The following TMEM132D variants were observed in gnomAD, a reference collection of about 807,000 sequenced individuals.
TMEM132D encodes mature OL transmembrane protein.
A neutral mutation model predicts 62.3 loss-of-function variants in TMEM132D; 21 were observed. The observed-to-expected ratio is 0.34, with a 90% confidence interval of 0.24 to 0.49. TMEM132D has a LOEUF of 0.49. Ranked by LOEUF, TMEM132D falls within the 20% of genes least tolerant of loss-of-function variation. The probability of loss-of-function intolerance (pLI) is 0.99; values close to 1 mark genes in which losing one functional copy is unlikely to be tolerated. For missense variants in TMEM132D, 1,346 were observed against 1,402.8 expected (o/e 0.96, Z 0.65); for synonymous variants, 621 against 575.6 (o/e 1.08, Z -1.13).
intron 2 of TMEM132D, among the ~76,000 whole-genome samples, chr12:129,644,428 C>G (rs1350496625): frequency 6.6e-6 from 1 of 152,098 alleles, no homozygotes; most frequent in Admixed American, 6.5e-5. Flanking sequence ...TTTGTCCTTG[C>G]AGCTGTAATA....
At chr12:129,216,150 T>C (rs974872062) in intron 4 of TMEM132D, among the ~76,000 whole-genome samples, 2 of 152,210 alleles carry the variant, frequency 1.3e-5, no homozygotes, top group Admixed American at 1.3e-4. Flanking sequence ...CTAATTCTCT[T>C]CAGCTATAAC....
intron 3 of TMEM132D, among the ~76,000 whole-genome samples, chr12:129,509,876 G>T (rs1003148633): frequency 1.1e-4 from 17 of 152,240 alleles, no homozygotes; most frequent in East Asian, 1.9e-4. Flanking sequence ...ATCGCTGATG[G>T]ACACTTAGGT....
intron 4 of TMEM132D, among the ~76,000 whole-genome samples, chr12:129,222,126 A>C: frequency 6.6e-6 from 1 of 152,262 alleles, no homozygotes; most frequent in African/African-American, 2.4e-5. Flanking sequence ...TAAAATAATA[A>C]AATAAAATAA....
chr12:129,201,977 C>G (rs991049800), intron 5 of TMEM132D, among the ~76,000 whole-genome samples: 3 of 151,402 alleles, frequency 2.0e-5, no homozygotes. Context: ...TTGCAAACAT[C>G]TGAAATGCTT....
At chr12:129,517,496 A>G (rs1368286734) in intron 3 of TMEM132D, among the ~76,000 whole-genome samples, 1 of 152,164 alleles carries the variant, frequency 6.6e-6, no homozygotes, top group East Asian at 1.9e-4. Flanking sequence ...CAGAGAAGCC[A>G]GGGCCATTCA....
chr12:129,876,093 A>C (rs1874408649), intron 1 of TMEM132D, among the ~76,000 whole-genome samples: 1 of 152,220 alleles, frequency 6.6e-6, no homozygotes. Flanking sequence ...CCAATAGCTC[A>C]CTACCTAGTT....
intron 2 of TMEM132D, among the ~76,000 whole-genome samples, chr12:129,691,093 T>A (rs1881051972): frequency 6.6e-6 from 1 of 151,664 alleles, no homozygotes; most frequent in East Asian, 1.9e-4. Flanking sequence ...AACATATGAA[T>A]CAAAGAAGTC....
In TMEM132D at chr12:129,844,115, A is replaced by G. The variant is rs537739007; in HGVS notation, c.79+59146T>C. ...GACTCTGTCTCGGAAACCAACAAAT[A>G]AAAAGAACTTATGAAGTGCCATGGA... On this transcript the variant is annotated intron_variant, in intron 1 of 8. Coordinates refer to ENST00000422113, the MANE Select transcript of TMEM132D (RefSeq NM_133448.3). 2.2e-4 allele frequency among the ~76,000 whole-genome samples: 34 copies of G among 152,258 alleles called. No individual in the cohort carries two copies. The South Asian group carries it at 4.1e-3, about 19-fold the overall frequency.
At chr12:129,428,321 C>T (rs1159539847) in intron 3 of TMEM132D, among the ~76,000 whole-genome samples, 1 of 152,180 alleles carries the variant, frequency 6.6e-6, no homozygotes, top group Non-Finnish European at 1.5e-5. Flanking sequence ...TCAGAAAAAT[C>T]TGTTGTGTAA....
chr12:129,381,655 C>T (rs1870955846), intron 3 of TMEM132D, among the ~76,000 whole-genome samples: 1 of 152,076 alleles, frequency 6.6e-6, no homozygotes, highest in Non-Finnish European at 1.5e-5. Context: ...GAGTTCTCTG[C>T]ACACTCCTTT....
chr12:129,423,655 G>A (rs1872393934), intron 3 of TMEM132D, among the ~76,000 whole-genome samples: 1 of 152,144 alleles, frequency 6.6e-6, no homozygotes, highest in South Asian at 2.1e-4. Context: ...GGAAAGGGAA[G>A]CGCTTGTACT....
At chr12:129,707,499 T>C (rs1217344997) in intron 1 of TMEM132D, among the ~76,000 whole-genome samples, 2 of 152,172 alleles carry the variant, frequency 1.3e-5, no homozygotes, top group Non-Finnish European at 2.9e-5. Context: ...AGGGGCTGTC[T>C]GGTAACTGCG....
chr12:129,191,097 G>C (rs1034684618), intron 5 of TMEM132D, among the ~76,000 whole-genome samples: 2 of 152,086 alleles, frequency 1.3e-5, no homozygotes, highest in South Asian at 2.1e-4. Context: ...TCCAAGGGAC[G>C]TGGGCCTTAC....
intron 3 of TMEM132D, among the ~76,000 whole-genome samples, chr12:129,430,690 G>A (rs567707679): frequency 1.3e-5 from 2 of 152,258 alleles, no homozygotes; most frequent in African/African-American, 4.8e-5. Context: ...TTAGAGGGTT[G>A]ATTATGAGAA....
rs867689671 is a variant in TMEM132D at position 129,100,131 on chromosome 12, C to T, written c.1444-15429G>A. On this transcript the variant is annotated intron_variant, in intron 5 of 8. Transcript: ENST00000422113. ...TCTTGGCTCACTGCAACCTCCACCT[C>T]TCCGGTTCAAGCAATTCTCCTGCCT... 5.9e-5 allele frequency among the ~76,000 whole-genome samples: 9 copies of T among 152,288 alleles called. 1 individual carries two copies. The Middle Eastern group carries it at 0.017, about 288-fold the overall frequency.
intron 5 of TMEM132D, among the ~76,000 whole-genome samples, chr12:129,146,474 T>C (rs576185782): frequency 6.6e-6 from 1 of 152,344 alleles, no homozygotes; most frequent in African/African-American, 2.4e-5. Flanking sequence ...TTGAAAATTA[T>C]GTGTTATGAC....
chr12:129,493,451 G>A (rs1874859689), intron 3 of TMEM132D, among the ~76,000 whole-genome samples: 1 of 152,164 alleles, frequency 6.6e-6, no homozygotes, highest in Non-Finnish European at 1.5e-5. Context: ...AGTAAGTCAG[G>A]AGAAACCTCA....
intron 1 of TMEM132D, among the ~76,000 whole-genome samples, chr12:129,792,637 AAAT>A (rs1871433775): frequency 6.6e-6 from 1 of 152,216 alleles, no homozygotes; most frequent in Non-Finnish European, 1.5e-5. Context: ...GTAAATACAC[AAAT>A]AATATCTCCG....
intron 5 of TMEM132D, chr12:129,208,493 T>G (rs2135565667): frequency 6.6e-6 from 1 of 152,458 alleles, no homozygotes; most frequent in Admixed American, 6.5e-5. Flanking sequence ...CCTAGAGTCT[T>G]GAACAGTACC....
Sources: gnomAD v4.1 joint callset for allele counts (sites outside exome capture counted in the v4.1 genomes callset) on GRCh38, gnomAD v4.1.1 for gene constraint, MANE v1.5 for transcripts, NCBI Gene and HGNC (gene_info 2026-07-23, HGNC 2026-07-21) for gene names.